The following CMKLR2 variants were observed in gnomAD, a reference collection of about 807,000 sequenced individuals.
The protein encoded by CMKLR2 is chemerin chemokine-like receptor 2.
CMKLR2 carries 18 observed loss-of-function variants against 23.0 expected under a neutral mutation model. The observed-to-expected ratio is 0.78, with a 90% CI of 0.54 to 1.16. The LOEUF is 1.16. Ranked by LOEUF, CMKLR2 falls within the 50% of genes most tolerant of loss-of-function variation. The pLI, the probability that CMKLR2 is intolerant of heterozygous loss-of-function variation, is 0.00. For missense variants in CMKLR2, 401 were observed against 412.7 expected, an observed-to-expected ratio of 0.97 and a Z score of 0.25; for synonymous variants, 158 against 158.9, an observed-to-expected ratio of 0.99 and a Z score of 0.05.
rs1689245933 is a variant in CMKLR2, at chr2:206,204,635, T to C, written c.-29+8672A>G. ...GTGCAGTGGCATGATCTCGGCTCAA[T>C]GCAACCTCAACCTCCCGGGTTCAAG... On this transcript the variant is annotated intron_variant, in intron 1 of 1. Transcript: ENST00000621141. Among the ~76,000 whole-genome samples the C allele has an allele frequency of 3.3e-5, 5 of 151,932 alleles. No individual in the cohort carries two copies. The South Asian group carries it at 1.0e-3, about 32-fold the overall frequency.
rs141435209 is a variant in CMKLR2 at position 206,196,051 on chromosome 2, C to T, written c.-29+17256G>A. Reference sequence around the variant, plus strand: ...AATGCCTATGTTCTTAACCACCAGGCATTTGGGGCACAAGAATCCTTCTTC... The same window carrying T: ...AATGCCTATGTTCTTAACCACCAGGTATTTGGGGCACAAGAATCCTTCTTC... On this transcript the variant is annotated intron_variant, in intron 1 of 1. Coordinates refer to ENST00000621141, the MANE Select transcript of CMKLR2 (RefSeq NM_001389445.1). Among the ~76,000 whole-genome samples the T allele has an allele frequency of 8.6e-5, 13 of 151,998 alleles. No homozygotes were observed. In the East Asian group the frequency reaches 2.3e-3, roughly 27 times the overall value.
intron 1 of CMKLR2, among the ~76,000 whole-genome samples, chr2:206,196,129 C>A (rs1189332757): frequency 5.9e-5 from 9 of 152,064 alleles, no homozygotes; most frequent in African/African-American, 9.7e-5. Flanking sequence ...AATCCCAGCA[C>A]TTTGGGAGGC....
upstream of CMKLR2, among the ~76,000 whole-genome samples, chr2:206,214,979 T>G (rs1450210920): frequency 6.6e-6 from 1 of 152,108 alleles, no homozygotes; most frequent in East Asian, 1.9e-4. Context: ...ATACCTGAAA[T>G]TGCACATTGT....
At chr2:206,205,848 T>C (rs1336354415) in intron 1 of CMKLR2, among the ~76,000 whole-genome samples, 1 of 151,974 alleles carries the variant, frequency 6.6e-6, no homozygotes, top group Non-Finnish European at 1.5e-5. Flanking sequence ...TACAGGCATA[T>C]GCCACCATGC....
chr2:206,184,136 C>T (rs1688499425), intron 1 of CMKLR2, among the ~76,000 whole-genome samples: 3 of 152,124 alleles, frequency 2.0e-5, no homozygotes, highest in Non-Finnish European at 2.9e-5. Context: ...ACATGTGTTA[C>T]GCTGATCTCT....
At chr2:206,182,378 G>A (rs539675167) in intron 1 of CMKLR2, among the ~76,000 whole-genome samples, 2 of 152,204 alleles carry the variant, frequency 1.3e-5, no homozygotes, top group East Asian at 3.9e-4. Flanking sequence ...CACTTAACAC[G>A]TTATGTTGTC....
At position 206,175,958 on chromosome 2, in the gene CMKLR2, T is replaced by C. The variant is rs1688191619; in HGVS notation, c.*222A>G. On this transcript the variant is annotated 3_prime_UTR_variant, in exon 2 of 2. Transcript: ENST00000621141. ...AAATTATGCGGATCCTTCCTAAGTA[T>C]TTTCAGTTTTTTAAAAAAAATTTAT... 7.5e-6 allele frequency: 3 copies of C among 401,554 alleles called. No homozygotes were observed. The East Asian group carries it at 1.1e-4, about 15-fold the overall frequency. The allele number at this position is 401,554 out of a possible 1,614,324, so 24.9% of individuals were successfully genotyped here.
At chr2:206,188,395 G>A (rs1318843612) in intron 1 of CMKLR2, among the ~76,000 whole-genome samples, 1 of 152,310 alleles carries the variant, frequency 6.6e-6, no homozygotes, top group East Asian at 1.9e-4. Context: ...CGACTTGACA[G>A]AAAAGAAGAA....
chr2:206,185,482 C>T (rs534915594), intron 1 of CMKLR2, among the ~76,000 whole-genome samples: 51 of 152,040 alleles, frequency 3.4e-4, no homozygotes, highest in South Asian at 1.0e-3. Context: ...ATGAGAAAAC[C>T]GAGCAAGAGG....
In CMKLR2 at chr2:206,204,571, T is replaced by A. The variant is rs113839100; in HGVS notation, c.-29+8736A>T. On this transcript the variant is annotated intron_variant, in intron 1 of 1. Coordinates refer to ENST00000621141, the MANE Select transcript of CMKLR2 (RefSeq NM_001389445.1). ...TTTGTTTTTTGTTTTTGTTTTTGTT[T>A]TTTTTGAGACAGAGTCTCGCTCTGT... Among the ~76,000 whole-genome samples, 963 of 152,060 alleles carry A rather than the reference T, an allele frequency of 6.3e-3. 12 individuals carry two copies. The highest frequency in any genetic ancestry group is 0.011 in the Non-Finnish European group (749 of 67,976).
intron 1 of CMKLR2, among the ~76,000 whole-genome samples, chr2:206,183,242 C>T (rs1399444588): frequency 1.3e-5 from 2 of 152,130 alleles, no homozygotes; most frequent in Non-Finnish European, 2.9e-5. Context: ...CCTTATAAAA[C>T]CCTAAACAGA....
intron 1 of CMKLR2, among the ~76,000 whole-genome samples, chr2:206,187,131 G>C (rs947718450): frequency 2.6e-5 from 4 of 152,122 alleles, no homozygotes; most frequent in Admixed American, 1.3e-4. Flanking sequence ...CAGATCACTT[G>C]AGGTAAGGAG....
chr2:206,188,530 A>G (rs1688652098), intron 1 of CMKLR2, among the ~76,000 whole-genome samples: 1 of 152,220 alleles, frequency 6.6e-6, no homozygotes. Context: ...TTAACCTCCA[A>G]GCTGTATTGT....
intron 1 of CMKLR2, among the ~76,000 whole-genome samples, chr2:206,204,685 G>A (rs941964952): frequency 6.6e-6 from 1 of 152,010 alleles, no homozygotes; most frequent in Non-Finnish European, 1.5e-5. Flanking sequence ...TCAGCCTCCT[G>A]AGTAGCGGGG....
intron 1 of CMKLR2, among the ~76,000 whole-genome samples, chr2:206,180,650 T>C (rs1329963745): frequency 6.6e-6 from 1 of 151,612 alleles, no homozygotes; most frequent in Non-Finnish European, 1.5e-5. Context: ...CCCAGGCTGG[T>C]CTTGAACTCT....
chr2:206,181,951 CAAAAAAA>C (rs34520665), intron 1 of CMKLR2, among the ~76,000 whole-genome samples: 10 of 68,548 alleles, frequency 1.5e-4, no homozygotes, highest in African/African-American at 3.0e-4. Context: ...AACTCCACCT[CAAAAAAA>C]AAAAAAAAAA....
upstream of CMKLR2, among the ~76,000 whole-genome samples, chr2:206,216,173 G>A (rs1270629926): frequency 2.0e-5 from 3 of 152,182 alleles, no homozygotes; most frequent in Non-Finnish European, 1.5e-5. Context: ...AGAGACAGGA[G>A]CTGGGTGCGG....
chr2:206,202,991 T>A (rs950187262), intron 1 of CMKLR2, among the ~76,000 whole-genome samples: 4 of 151,840 alleles, frequency 2.6e-5, no homozygotes, highest in Admixed American at 2.6e-4. Flanking sequence ...TTTGGCCCCC[T>A]TTGTAGGCAC....
chr2:206,195,733 TC>T (rs1688899476), intron 1 of CMKLR2, among the ~76,000 whole-genome samples: 1 of 151,960 alleles, frequency 6.6e-6, no homozygotes, highest in South Asian at 2.1e-4. Context: ...GGCAGGCAGA[TC>T]ACCTGAGGTT....
Sources: allele counts gnomAD v4.1 joint callset (sites outside exome capture counted in the v4.1 genomes callset), GRCh38; gene constraint gnomAD v4.1.1; transcripts MANE v1.5; gene names NCBI Gene and HGNC (gene_info 2026-07-23, HGNC 2026-07-21).